GLG1: variants seen among roughly 807,000 people sequenced by gnomAD.
GLG1 encodes the protein golgi glycoprotein 1.
GLG1 carries 38 observed loss-of-function variants against 160.5 expected under a neutral mutation model. The observed-to-expected ratio is 0.24, with a 90% confidence interval of 0.18 to 0.31. The LOEUF is 0.31. Among genes scored for constraint, GLG1 ranks in the 10% least tolerant of loss-of-function variants. The pLI, the probability that GLG1 is intolerant of heterozygous loss-of-function variation, is 1.00. For missense variants in GLG1, 1,373 were observed against 1,505.2 expected (o/e 0.91, Z 1.45); for synonymous variants, 644 against 543.4 (o/e 1.19, Z -2.57).
intron 2 of GLG1, among the ~76,000 whole-genome samples, chr16:74,511,865 A>T (rs1336844383): frequency 6.6e-6 from 1 of 152,132 alleles, no homozygotes; most frequent in Non-Finnish European, 1.5e-5. Context: ...CCTTATGAAC[A>T]AGTCTCTTCC....
chr16:74,573,704 A>C (rs925021248), intron 1 of GLG1, among the ~76,000 whole-genome samples: 2 of 149,896 alleles, frequency 1.3e-5, no homozygotes, highest in Admixed American at 6.7e-5. Flanking sequence ...AGCCTGGCTA[A>C]TTAGCCCTCC....
At chr16:74,469,196 C>G in intron 16 of GLG1, 133 bp from the exon 17 acceptor site, 2 of 650,450 alleles carry the variant, frequency 3.1e-6, no homozygotes, top group Middle Eastern at 3.1e-4. Context: ...GTAAGGCTCA[C>G]TGTATTTTTT....
At chr16:74,519,680 A>C (rs1232669596) in intron 2 of GLG1, among the ~76,000 whole-genome samples, 1 of 152,148 alleles carries the variant, frequency 6.6e-6, no homozygotes, top group Non-Finnish European at 1.5e-5. Context: ...AAGTTAGTTT[A>C]AAAAATCAAA....
intron 1 of GLG1, among the ~76,000 whole-genome samples, chr16:74,589,073 C>G (rs1958116749): frequency 1.3e-5 from 2 of 151,658 alleles, no homozygotes; most frequent in South Asian, 4.2e-4. Flanking sequence ...GAAACCCCGT[C>G]TCTACAAAAA....
rs769374846 is a variant in GLG1, at chr16:74,456,657, C to A, written c.3364G>T (p.Ala1122Ser). 1.3e-6 allele frequency: 2 copies of A among 1,596,218 alleles called. No individual in the cohort carries two copies. Among genetic ancestry groups the A allele is most frequent in the Non-Finnish European group, 1.7e-6 (2 of 1,168,498 alleles). Residue 1122 changes from alanine to serine, a missense_variant, in exon 25 of 26, where the codon GCA becomes TCA. Transcript: ENST00000422840. Reference protein sequence around the residue: ...LNDRIEMWSYAAKVAPADGFS... With the variant: ...LNDRIEMWSYSAKVAPADGFS... ...ATTCTCTTGGTCATTACCTTTGCTG[C>A]GTAACTCCACATCTCAATCCGGTCA...
intron 10 of GLG1, among the ~76,000 whole-genome samples, chr16:74,481,482 G>A (rs1477214524): frequency 6.6e-6 from 1 of 151,890 alleles, no homozygotes; most frequent in African/African-American, 2.4e-5. Context: ...TTTTATTATG[G>A]GGGAAGGAAT....
At chr16:74,485,739 C>T (rs2015765457) in intron 9 of GLG1, 57 bp downstream of exon 9, 4 of 1,525,418 alleles carry the variant, frequency 2.6e-6, no homozygotes, top group African/African-American at 1.4e-5. Context: ...AAGGAATGTT[C>T]CCTGTGCTGC....
chr16:74,470,128 G>C, intron 15 of GLG1, 55 bp from the exon 16 acceptor site: 1 of 1,023,478 alleles, frequency 9.8e-7, no homozygotes. Context: ...GTGGTCAGTA[G>C]TGGTAGGGCG....
At chr16:74,484,723 G>A (rs770474490) in intron 9 of GLG1, among the ~76,000 whole-genome samples, 6 of 151,560 alleles carry the variant, frequency 4.0e-5, no homozygotes, top group East Asian at 1.9e-4. Flanking sequence ...GCGAGATTGC[G>A]CCACTGTACT....
At chr16:74,538,385 G>A (rs962113620) in intron 1 of GLG1, among the ~76,000 whole-genome samples, 3 of 152,048 alleles carry the variant, frequency 2.0e-5, no homozygotes, top group Admixed American at 1.3e-4. Context: ...AAGCCCCAAT[G>A]ACAATGAAGA....
Position 74,508,945 on chromosome 16 carries a change from A to C in GLG1, c.472-20T>G, listed in dbSNP as rs760345891. 2 of 1,036,828 alleles carry C rather than the reference A, an allele frequency of 1.9e-6. No individual in the cohort carries two copies. The highest frequency in any genetic ancestry group is 3.0e-6 in the Non-Finnish European group (2 of 673,914). 64.2% of individuals were successfully genotyped at this position (1,036,828 alleles called of 1,614,324 possible). A position where few individuals can be genotyped will look rare whatever the true frequency, so the allele number is the denominator to read the frequency against. On this transcript the variant is annotated intron_variant, in intron 2 of 25. Coordinates refer to ENST00000422840, the MANE Select transcript of GLG1 (RefSeq NM_001145667.2). ...CAACAACTAGATAGGAGAGGAAAAAAAAAAACAAAGAAAAACTCCAGTTAG... is the reference window on the plus strand; with the variant it reads ...CAACAACTAGATAGGAGAGGAAAAACAAAAACAAAGAAAAACTCCAGTTAG...
intron 21 of GLG1, 27 bp from the exon 22 acceptor site, chr16:74,462,222 G>A (rs750439821): frequency 1.7e-6 from 2 of 1,203,712 alleles, no homozygotes; most frequent in East Asian, 2.3e-5. Context: ...GAGGATACAT[G>A]GGCTGATCAG....
chr16:74,482,374 A>G (rs1337674827), intron 10 of GLG1, among the ~76,000 whole-genome samples: 1 of 152,180 alleles, frequency 6.6e-6, no homozygotes, highest in Admixed American at 6.5e-5. Flanking sequence ...CTGAACTTGA[A>G]AAGCTAGAGA....
chr16:74,535,569 A>G (rs894315716), intron 1 of GLG1, among the ~76,000 whole-genome samples: 10 of 152,192 alleles, frequency 6.6e-5, no homozygotes, highest in Non-Finnish European at 1.5e-4. Context: ...AGTAGCTGAG[A>G]CTAAAGGTAT....
chr16:74,594,999 T>C (rs1004144847), intron 1 of GLG1, among the ~76,000 whole-genome samples: 8 of 151,756 alleles, frequency 5.3e-5, no homozygotes, highest in Non-Finnish European at 2.9e-5. Flanking sequence ...CCATCCTGGC[T>C]AACACAGTGA....
chr16:74,538,608 T>C (rs1398541440), intron 1 of GLG1, among the ~76,000 whole-genome samples: 4 of 152,230 alleles, frequency 2.6e-5, no homozygotes, highest in Admixed American at 2.0e-4. Context: ...GCACAGGCTT[T>C]ATGCCTTCCA....
chr16:74,530,394 G>C (rs2017495518), intron 2 of GLG1, among the ~76,000 whole-genome samples: 1 of 152,140 alleles, frequency 6.6e-6, no homozygotes, highest in Non-Finnish European at 1.5e-5. Flanking sequence ...CTTCTGCAGA[G>C]AGCCAGAAAG....
At chr16:74,589,770 T>C (rs767324615) in intron 1 of GLG1, among the ~76,000 whole-genome samples, 4 of 152,196 alleles carry the variant, frequency 2.6e-5, no homozygotes, top group East Asian at 1.9e-4. Context: ...AAGGAAAGTA[T>C]ACCAATAGTA....
Position 74,496,433 on chromosome 16 carries a change from T to C in GLG1, c.978+8A>G. 1 of 1,579,876 alleles carries C rather than the reference T, an allele frequency of 6.3e-7. No individual in the cohort carries two copies. Among genetic ancestry groups the C allele is most frequent in the Non-Finnish European group, 8.7e-7 (1 of 1,148,964 alleles). Reference sequence around the variant, plus strand: ...AGGAAGAAAAGAACAGTTTCTGAGCTGACTCACATTTTCACAAAAACGCTC... The same window carrying C: ...AGGAAGAAAAGAACAGTTTCTGAGCCGACTCACATTTTCACAAAAACGCTC... On this transcript the variant is annotated splice_region_variant and intron_variant, in intron 5 of 25. Transcript: ENST00000422840.
Sources: gnomAD v4.1 joint callset for allele counts (sites outside exome capture counted in the v4.1 genomes callset) on GRCh38, gnomAD v4.1.1 for gene constraint, MANE v1.5 for transcripts, NCBI Gene and HGNC (gene_info 2026-07-23, HGNC 2026-07-21) for gene names.